The following DUS2 variants were observed in gnomAD, a reference collection of about 807,000 sequenced individuals.
The protein encoded by DUS2 is tRNA-dihydrouridine(20) synthase [NAD(P)+]-like.
A neutral mutation model predicts 71.3 loss-of-function variants in DUS2; 52 were observed. The observed-to-expected ratio is 0.73, with a 90% CI of 0.58 to 0.92. The LOEUF (loss-of-function observed/expected upper bound fraction) is 0.92. Among genes scored for constraint, DUS2 ranks in the 40% least tolerant of loss-of-function variants. The probability of loss-of-function intolerance (pLI) is 0.00; values close to 1 mark genes in which losing one functional copy is unlikely to be tolerated. For missense variants in DUS2, 558 were observed against 622.6 expected (o/e 0.90, Z 1.10); for synonymous variants, 204 against 227.8 (o/e 0.90, Z 0.94).
At chr16:68,037,319 C>T (rs1332874182) in intron 2 of DUS2, among the ~76,000 whole-genome samples, 1 of 151,922 alleles carries the variant, frequency 6.6e-6, no homozygotes, top group African/African-American at 2.4e-5. Flanking sequence ...TGCAGTGGCT[C>T]ATGCCTGTAA....
At chr16:68,053,542 A>T in intron 4 of DUS2, 22 bp from the exon 5 acceptor site, 6 of 1,613,312 alleles carry the variant, frequency 3.7e-6, no homozygotes, top group Non-Finnish European at 5.1e-6. Context: ...GAGTGACCCT[A>T]TGTGTTTGGG....
chr16:68,056,867 T>C (rs1449000298), intron 7 of DUS2, among the ~76,000 whole-genome samples: 3 of 145,214 alleles, frequency 2.1e-5, no homozygotes, highest in Non-Finnish European at 4.5e-5. Flanking sequence ...ATTATTTATA[T>C]GTTATATAAT....
chr16:68,070,075 TG>T lies in DUS2; in HGVS notation c.555-58del. ...GTAAGGTTTGGCTGAGGTAACCCTG[TG>T]TGAGTGGTGTCGTGGCTTTTGGTGC... On this transcript the variant is annotated intron_variant, in intron 10 of 16. Coordinates refer to ENST00000565263, the MANE Select transcript of DUS2 (RefSeq NM_017803.5). 6.7e-6 allele frequency: 10 copies of T among 1,486,444 alleles called. No individual in the cohort carries two copies. In the South Asian group the frequency reaches 1.1e-4, roughly 17 times the overall value. The allele number at this position is 1,486,444 out of a possible 1,614,324, so 92.1% of individuals were successfully genotyped here. A position where few individuals can be genotyped will look rare whatever the true frequency, so the allele number is the denominator to read the frequency against.
At chr16:68,040,509 G>A (rs2033607105) in intron 3 of DUS2, among the ~76,000 whole-genome samples, 2 of 152,280 alleles carry the variant, frequency 1.3e-5, no homozygotes, top group Admixed American at 1.3e-4. Flanking sequence ...TTTCTTCCAG[G>A]GTCCTGCTCC....
rs757399900 is a variant in DUS2, at chr16:68,070,989, C to T, written c.691C>T (p.Arg231Ter). 5.6e-6 allele frequency: 9 copies of T among 1,614,218 alleles called. No homozygotes were observed. The highest frequency in any genetic ancestry group is 5.1e-6 in the Non-Finnish European group (6 of 1,180,036). The change falls in exon 12 of 17, where the codon CGA becomes TGA. Residue 231 changes from arginine (R) to a stop codon, truncating the protein, a stop_gained. Transcript: ENST00000565263. LOFTEE classifies it high-confidence loss of function. ...ACAGTATTCGGACATAGAGGACTTT[C>T]GACAAGCCACGGCAGCCTCTTCCGT... ...IQQYSDIEDF[R>*]QATAASSVMV...
At chr16:68,074,378 T>C (rs933982817) in intron 13 of DUS2, among the ~76,000 whole-genome samples, 3 of 152,136 alleles carry the variant, frequency 2.0e-5, no homozygotes, top group African/African-American at 7.2e-5. Flanking sequence ...ACTAGGGTAC[T>C]AGAAGGATAG....
In DUS2 at chr16:68,063,712, TA is replaced by T. The variant is rs1408689555; in HGVS notation, c.417+2600del. Reference sequence around the variant, plus strand: ...TGGATTAAGAACCTCAGTTTTATTTTATTTTTTTAAATATTTATTTATTTAT... The same window carrying T: ...TGGATTAAGAACCTCAGTTTTATTTTTTTTTTTAAATATTTATTTATTTAT... On this transcript the variant is annotated intron_variant, in intron 8 of 16. Transcript: ENST00000565263. Among the ~76,000 whole-genome samples, 3 of 152,232 alleles carry T rather than the reference TA, an allele frequency of 2.0e-5. No homozygotes were observed. In the East Asian group the frequency reaches 5.8e-4, roughly 29 times the overall value.
At chr16:68,061,759 C>T (rs1009626278) in intron 8 of DUS2, among the ~76,000 whole-genome samples, 6 of 152,184 alleles carry the variant, frequency 3.9e-5, no homozygotes, top group Non-Finnish European at 5.9e-5. Context: ...ATCGCTACTT[C>T]CCTGTCTGGG....
intron 2 of DUS2, among the ~76,000 whole-genome samples, chr16:68,029,156 G>A (rs1414865894): frequency 6.6e-6 from 1 of 151,146 alleles, no homozygotes; most frequent in Non-Finnish European, 1.5e-5. Context: ...AGTGAGCCAT[G>A]ATTGTGCCGC....
intron 2 of DUS2, among the ~76,000 whole-genome samples, chr16:68,032,599 TGGA>T (rs1429696647): frequency 6.6e-6 from 1 of 152,100 alleles, no homozygotes; most frequent in Non-Finnish European, 1.5e-5. Flanking sequence ...ATGACTGAGT[TGGA>T]GGAGTATTCC....
chr16:68,054,453 G>A, intron 5 of DUS2, 121 bp from the exon 6 acceptor site: 1 of 1,131,822 alleles, frequency 8.8e-7, no homozygotes, highest in Non-Finnish European at 1.3e-6. Context: ...GAGAAAGCCA[G>A]CCTGACTCTG....
At chr16:68,070,018 C>G (rs1275389175) in intron 10 of DUS2, 116 bp from the exon 11 acceptor site, 3 of 883,782 alleles carry the variant, frequency 3.4e-6, no homozygotes, top group Non-Finnish European at 5.5e-6. Flanking sequence ...CATATGGCCA[C>G]CTGACCTTCC....
intron 10 of DUS2, among the ~76,000 whole-genome samples, chr16:68,068,752 C>CTT (rs1160464857): frequency 2.3e-4 from 26 of 112,140 alleles, no homozygotes; most frequent in South Asian, 5.9e-4. Flanking sequence ...CCATGCCTGG[C>CTT]TTTTTTTTTT....
intron 12 of DUS2, among the ~76,000 whole-genome samples, chr16:68,072,212 A>G (rs1404023900): frequency 6.6e-6 from 1 of 152,216 alleles, no homozygotes; most frequent in East Asian, 1.9e-4. Flanking sequence ...GTCTGCGTCC[A>G]GAGCTGGGCA....
At chr16:68,074,211 T>A in intron 13 of DUS2, 56 bp downstream of exon 13, 1 of 1,607,162 alleles carries the variant, frequency 6.2e-7, no homozygotes, top group Non-Finnish European at 8.5e-7. Context: ...CAAGTTTGAC[T>A]TTGAGCCCTA....
chr16:68,074,006 G>A (rs779470050), intron 12 of DUS2, 28 bp from the exon 13 acceptor site: 2 of 1,613,192 alleles, frequency 1.2e-6, no homozygotes, highest in Non-Finnish European at 1.7e-6. Flanking sequence ...GCCTGCCTGG[G>A]CATCAGGCAA....
chr16:68,073,599 G>A (rs1304512390), intron 12 of DUS2, among the ~76,000 whole-genome samples: 2 of 151,924 alleles, frequency 1.3e-5, no homozygotes, highest in East Asian at 1.9e-4. Context: ...ACAGGCACCC[G>A]CCACCACGCC....
intron 2 of DUS2, 38 bp downstream of exon 2, chr16:68,025,532 A>C (rs2033335522): frequency 6.6e-6 from 1 of 152,166 alleles, no homozygotes; most frequent in Non-Finnish European, 1.5e-5. Context: ...TTTTGTTCAA[A>C]TATCCAGGGT....
At chr16:68,042,479 A>T (rs2033645146) in intron 3 of DUS2, among the ~76,000 whole-genome samples, 1 of 152,064 alleles carries the variant, frequency 6.6e-6, no homozygotes. Flanking sequence ...TTACAATCCC[A>T]CTAACAGCAC....
Sources: gnomAD v4.1 joint callset for allele counts (sites outside exome capture counted in the v4.1 genomes callset) on GRCh38, gnomAD v4.1.1 for gene constraint, MANE v1.5 for transcripts, NCBI Gene and HGNC (gene_info 2026-07-23, HGNC 2026-07-21) for gene names.